MYCBP2: variants seen among roughly 807,000 people sequenced by gnomAD.
The protein encoded by MYCBP2 is MYC binding protein 2.
In MYCBP2, 120 loss-of-function variants were observed where a neutral mutation model predicts 525.3. The observed-to-expected ratio is 0.23, with a 90% CI of 0.20 to 0.27. The LOEUF is 0.27. MYCBP2 is among the 10% of genes least tolerant of loss of function. The probability of loss-of-function intolerance (pLI) is 1.00; values close to 1 mark genes in which losing one functional copy is unlikely to be tolerated. For synonymous variants in MYCBP2, 1,894 were observed against 1,955.8 expected (o/e 0.97, Z 0.83); for missense variants, 4,149 against 5,657.1 (o/e 0.73, Z 8.55).
chr13:77,143,956 C>T (rs2055100847), intron 49 of MYCBP2, among the ~76,000 whole-genome samples: 1 of 152,232 alleles, frequency 6.6e-6, no homozygotes, highest in East Asian at 1.9e-4. Flanking sequence ...GACCAAAATG[C>T]TATGAGGTAC....
Position 77,243,128 on chromosome 13 carries a change from G to A in MYCBP2, c.2560C>T (p.His854Tyr). Residue 854 changes from histidine to tyrosine, a missense_variant, in exon 17 of 83, where the codon CAC (histidine) becomes TAC (tyrosine). By Grantham distance (83) the His-to-Tyr change is moderately conservative (BLOSUM62 2). This residue lies in a region of MYCBP2 where 620 missense variants were observed against 795.5 expected (regional missense o/e 0.78). Transcript: ENST00000544440. ...VPVPGVNIEE[H>Y]LQLRQEEKRQ... is the part of the protein sequence containing the mutation. ...TTTTCTTCTTGTCGTAACTGAAGGT[G>A]TTCTTCAATGTTAACCCCGGGCACT... 1 of 1,613,958 alleles carries A rather than the reference G, an allele frequency of 6.2e-7. No homozygotes were observed. The highest frequency in any genetic ancestry group is 8.5e-7 in the Non-Finnish European group (1 of 1,179,972).
Position 77,083,012 on chromosome 13 carries a change from T to C in MYCBP2, c.11036+20A>G. The C allele has an allele frequency of 6.2e-7, 1 of 1,606,742 alleles. No individual in the cohort carries two copies. The highest frequency in any genetic ancestry group is 8.5e-7 in the Non-Finnish European group (1 of 1,175,810). On this transcript the variant is annotated intron_variant, in intron 63 of 82. Transcript: ENST00000544440. The stretch of plus-strand genomic sequence containing the variant: ...ACTCTCTTGTCCAATGTACCTAGGA[T>C]ATGTGGATACCAAAATTACCTCAGG...
chr13:77,169,773 C>T (rs1422738251), intron 38 of MYCBP2, 59 bp from the exon 39 acceptor site: 2 of 1,341,180 alleles, frequency 1.5e-6, no homozygotes, highest in African/African-American at 1.5e-5. Context: ...CATTGTACTG[C>T]ATACATGCTG....
chr13:77,255,561 C>A (rs2072036751), intron 14 of MYCBP2, among the ~76,000 whole-genome samples: 1 of 151,830 alleles, frequency 6.6e-6, no homozygotes, highest in African/African-American at 2.4e-5. Flanking sequence ...AAACCCGATT[C>A]TCCCCTTTGT....
chr13:77,061,654 A>T lies in MYCBP2; in HGVS notation c.12903+8T>A. ...CATATTTTATGCTCCAGAGACAAAA[A>T]TCTTCACCTGTCTTTGATGAGTTTT... is the stretch of plus-strand genomic sequence containing the variant. On this transcript the variant is annotated splice_region_variant and intron_variant, in intron 75 of 82. Transcript: ENST00000544440. The T allele has an allele frequency of 1.2e-6, 2 of 1,608,658 alleles. No individual in the cohort carries two copies. The highest frequency in any genetic ancestry group is 1.1e-5 in the South Asian group (1 of 89,680).
At chr13:77,177,563 C>G (rs1004218472) in intron 35 of MYCBP2, among the ~76,000 whole-genome samples, 185 bp downstream of exon 35, 5 of 151,958 alleles carry the variant, frequency 3.3e-5, no homozygotes, top group Non-Finnish European at 7.4e-5. Context: ...CTCAAGTCAT[C>G]CAACTGCCTC....
intron 61 of MYCBP2, 121 bp downstream of exon 61, chr13:77,088,711 A>T: frequency 1.3e-6 from 1 of 745,842 alleles, no homozygotes; most frequent in Non-Finnish European, 2.1e-6. Context: ...TAATACTTTT[A>T]ATTGGCTAAT....
chr13:77,308,580 A>G (rs985707664), intron 1 of MYCBP2, among the ~76,000 whole-genome samples: 1 of 152,192 alleles, frequency 6.6e-6, no homozygotes, highest in Admixed American at 6.5e-5. Context: ...AGTGCTAAAC[A>G]CATTTTTATT....
At chr13:77,286,221 T>TA (rs1028183958) in intron 3 of MYCBP2, among the ~76,000 whole-genome samples, 1 of 152,152 alleles carries the variant, frequency 6.6e-6, no homozygotes, top group Non-Finnish European at 1.5e-5. Context: ...TTCCAAGTAG[T>TA]AAAAAATATT....
At position 77,294,117 on chromosome 13, in the gene MYCBP2, T is replaced by C. The variant is rs188410389; in HGVS notation, c.378+2482A>G. ...TAGATATAATGGCTATATATATATA[T>C]ATATATATATATACATATATATATA... is the stretch of plus-strand genomic sequence containing the variant. On this transcript the variant is annotated intron_variant, in intron 2 of 82. Coordinates refer to ENST00000544440, the MANE Select transcript of MYCBP2 (RefSeq NM_015057.5). Among the ~76,000 whole-genome samples the C allele has an allele frequency of 1.1e-3, 65 of 56,672 alleles. 1 individual carries two copies. Among genetic ancestry groups the C allele is most frequent in the Middle Eastern group, 0.01 (1 of 98 alleles). The allele number at this position is 56,672 out of a possible 152,430, so 37.2% of individuals were successfully genotyped here.
intron 16 of MYCBP2, 106 bp downstream of exon 16, chr13:77,243,700 T>C: frequency 1.0e-6 from 1 of 978,266 alleles, no homozygotes; most frequent in East Asian, 2.8e-5. Flanking sequence ...ATACATTAAT[T>C]ATTATCCTAA....
In MYCBP2 at chr13:77,181,941, T is replaced by C. The variant is rs753468603; in HGVS notation, c.4720-19A>G. The C allele has an allele frequency of 6.2e-7, 1 of 1,600,746 alleles. No individual in the cohort carries two copies. Among genetic ancestry groups the C allele is most frequent in the East Asian group, 2.2e-5 (1 of 44,712 alleles). The stretch of plus-strand genomic sequence containing the variant: ...GGATATCCTTTTAAAAACAAAAATA[T>C]GGCCCCCCAACCAAAAAATATAGCA... On this transcript the variant is annotated intron_variant, in intron 32 of 82. Coordinates refer to ENST00000544440, the MANE Select transcript of MYCBP2 (RefSeq NM_015057.5).
intron 17 of MYCBP2, among the ~76,000 whole-genome samples, chr13:77,234,875 C>A (rs564773724): frequency 1.3e-5 from 2 of 152,036 alleles, no homozygotes; most frequent in African/African-American, 4.8e-5. Flanking sequence ...TTTCTATGGT[C>A]TGCCTACAAT....
intron 1 of MYCBP2, among the ~76,000 whole-genome samples, chr13:77,313,197 G>T (rs1322737416): frequency 6.6e-6 from 1 of 151,888 alleles, no homozygotes; most frequent in East Asian, 1.9e-4. Flanking sequence ...AAAATTTGTG[G>T]GATGTAACTA....
At chr13:77,262,529 A>T (rs1196283599) in intron 10 of MYCBP2, among the ~76,000 whole-genome samples, 2 of 152,032 alleles carry the variant, frequency 1.3e-5, no homozygotes, top group African/African-American at 2.4e-5. Flanking sequence ...GTTTACAAAT[A>T]AGCATATATA....
chr13:77,100,825 A>C (rs578017590), intron 55 of MYCBP2, among the ~76,000 whole-genome samples: 60 of 152,192 alleles, frequency 3.9e-4, no homozygotes, highest in Middle Eastern at 3.4e-3. Flanking sequence ...GATGGGGCTA[A>C]GTTTTGAAAA....
At chr13:77,056,705 T>C (rs1409788006) in intron 79 of MYCBP2, among the ~76,000 whole-genome samples, 1 of 152,218 alleles carries the variant, frequency 6.6e-6, no homozygotes, top group Non-Finnish European at 1.5e-5. Flanking sequence ...TCTAGTGGTC[T>C]GAGAGTAGAG....
intron 81 of MYCBP2, among the ~76,000 whole-genome samples, chr13:77,051,604 T>C (rs2036831487): frequency 6.6e-6 from 1 of 152,160 alleles, no homozygotes; most frequent in Non-Finnish European, 1.5e-5. Context: ...ATGGTGATCA[T>C]TTCATGGAAG....
chr13:77,147,984 T>C (rs1458474652), intron 47 of MYCBP2, among the ~76,000 whole-genome samples: 6 of 152,110 alleles, frequency 3.9e-5, no homozygotes, highest in African/African-American at 1.4e-4. Flanking sequence ...TTGCATTCCG[T>C]TGTGGTAACA....
Sources: allele counts gnomAD v4.1 joint callset (sites outside exome capture counted in the v4.1 genomes callset), GRCh38; gene constraint gnomAD v4.1.1; regional missense constraint gnomAD v4.1.1; transcripts MANE v1.5; gene names NCBI Gene and HGNC (gene_info 2026-07-23, HGNC 2026-07-21).